The following OXR1 variants were observed in gnomAD, a reference collection of about 807,000 sequenced individuals.
OXR1 encodes oxidation resistance 1.
Under a neutral mutation model 104.6 loss-of-function variants are expected in OXR1, and 41 were observed. That is an observed-to-expected ratio of 0.39 (90% CI 0.31 to 0.51). The LOEUF (loss-of-function observed/expected upper bound fraction) is 0.51. OXR1 is among the 20% of genes least tolerant of loss of function. OXR1 has a pLI of 0.77. For synonymous variants in OXR1, 348 were observed against 348.4 expected, an observed-to-expected ratio of 1.00 and a Z score of 0.01; for missense variants, 955 against 1,031.9, an observed-to-expected ratio of 0.93 and a Z score of 1.02.
At chr8:106,512,667 AC>A (rs973001938) in intron 2 of OXR1, among the ~76,000 whole-genome samples, 31 of 152,156 alleles carry the variant, frequency 2.0e-4, no homozygotes, top group African/African-American at 7.2e-4. Context: ...AGATTACAAA[AC>A]TATTAAGAGA....
chr8:106,302,924 T>C (rs1165706349), intron 1 of OXR1, among the ~76,000 whole-genome samples: 1 of 151,730 alleles, frequency 6.6e-6, no homozygotes, highest in Non-Finnish European at 1.5e-5. Flanking sequence ...GCTAATTTTT[T>C]TTGTATTTTT....
intron 10 of OXR1, among the ~76,000 whole-genome samples, chr8:106,712,834 A>G (rs1321656667): frequency 6.6e-6 from 1 of 152,052 alleles, no homozygotes; most frequent in Non-Finnish European, 1.5e-5. Flanking sequence ...AAATGTAACT[A>G]TATTTAGTTA....
chr8:106,444,289 C>T (rs1297007540), intron 2 of OXR1, among the ~76,000 whole-genome samples: 1 of 152,148 alleles, frequency 6.6e-6, no homozygotes, highest in East Asian at 1.9e-4. Context: ...GGCAATTCCT[C>T]AAGGATCTAG....
chr8:106,657,411 T>C (rs1208089957), intron 3 of OXR1: 1 of 152,232 alleles, frequency 6.6e-6, no homozygotes, highest in Non-Finnish European at 1.5e-5. Flanking sequence ...CTTCAAACTT[T>C]TTGACAGTTA....
chr8:106,331,997 A>AGT (rs3073756), intron 1 of OXR1, among the ~76,000 whole-genome samples: 25,800 of 137,908 alleles, frequency 0.19, 2,248 homozygotes, highest in East Asian at 0.33. Context: ...GAAAGAACAT[A>AGT]GTGTGTGTGT....
chr8:106,343,505 C>G (rs1411820434), intron 1 of OXR1, among the ~76,000 whole-genome samples: 1 of 152,218 alleles, frequency 6.6e-6, no homozygotes, highest in African/African-American at 2.4e-5. Context: ...GTGGCTGCCA[C>G]TGCAGCTGTA....
At position 106,424,398 on chromosome 8, in the gene OXR1, C is replaced by G. The variant is rs190981742; in HGVS notation, c.23+64762C>G. Among the ~76,000 whole-genome samples, 102 of 152,150 alleles carry G rather than the reference C, an allele frequency of 6.7e-4. 1 individual carries two copies. In the South Asian group the frequency reaches 0.013, roughly 19 times the overall value. ...GGGTTCAGATTATCATCTACTTTTT[C>G]CTACTAAAATATATAGTATGGTAAT... On this transcript the variant is annotated intron_variant, in intron 2 of 16. Coordinates refer to ENST00000517566, the MANE Select transcript of OXR1 (RefSeq NM_001198533.2).
intron 3 of OXR1, among the ~76,000 whole-genome samples, chr8:106,625,364 A>G (rs1348180960): frequency 6.6e-6 from 1 of 152,138 alleles, no homozygotes. Flanking sequence ...GAAAGTCAAA[A>G]CTGCCTTTTA....
chr8:106,413,523 A>G (rs912861254), intron 2 of OXR1, among the ~76,000 whole-genome samples: 1 of 152,160 alleles, frequency 6.6e-6, no homozygotes, highest in Non-Finnish European at 1.5e-5. Context: ...TAAGTAAGAC[A>G]CATTTTCAGT....
chr8:106,694,972 A>G (rs1350330184), intron 7 of OXR1, among the ~76,000 whole-genome samples: 6 of 142,416 alleles, frequency 4.2e-5, no homozygotes, highest in Non-Finnish European at 9.1e-5. Context: ...TTACATGTAT[A>G]TTATAATATA....
rs117101301 is a variant in OXR1, at chr8:106,603,467, T to A, written c.221-75743T>A. Among the ~76,000 whole-genome samples the A allele has an allele frequency of 4.0e-3, 608 of 152,336 alleles. 2 individuals carry two copies. Among genetic ancestry groups the A allele is most frequent in the Non-Finnish European group, 7.4e-3 (502 of 68,034 alleles). On this transcript the variant is annotated intron_variant, in intron 3 of 16. Coordinates refer to ENST00000517566, the MANE Select transcript of OXR1 (RefSeq NM_001198533.2). Reference sequence around the variant, plus strand: ...TGGTATATGGTAGATAATACTACCATCTTTTTCAGCTAAAACTGTCAAGTA... The same window carrying A: ...TGGTATATGGTAGATAATACTACCAACTTTTTCAGCTAAAACTGTCAAGTA...
intron 2 of OXR1, among the ~76,000 whole-genome samples, chr8:106,390,038 C>T (rs549463008): frequency 1.6e-4 from 25 of 152,164 alleles, no homozygotes; most frequent in Non-Finnish European, 3.2e-4. Context: ...TGCACTCCAG[C>T]CAGGGTGACA....
intron 3 of OXR1, among the ~76,000 whole-genome samples, chr8:106,564,107 A>C (rs763968726): frequency 1.1e-4 from 17 of 152,170 alleles, no homozygotes; most frequent in Non-Finnish European, 2.2e-4. Context: ...CAAATTCAAA[A>C]GCTAGCAGAA....
intron 1 of OXR1, among the ~76,000 whole-genome samples, chr8:106,339,302 T>C (rs1340822900): frequency 6.6e-6 from 1 of 151,108 alleles, no homozygotes; most frequent in Non-Finnish European, 1.5e-5. Context: ...GAGACCATCC[T>C]GGCTAACACG....
At chr8:106,657,431 C>G (rs1563674056) in intron 3 of OXR1, 1 of 152,434 alleles carries the variant, frequency 6.6e-6, no homozygotes, top group South Asian at 2.1e-4. Flanking sequence ...ATTTTCAGAC[C>G]CCTCCTAGGC....
intron 11 of OXR1, among the ~76,000 whole-genome samples, chr8:106,715,955 T>C (rs1832205874): frequency 6.6e-6 from 1 of 152,234 alleles, no homozygotes; most frequent in Non-Finnish European, 1.5e-5. Context: ...ATTACCGCAG[T>C]ATCCAGTATA....
At chr8:106,610,118 A>G (rs1320035930) in intron 3 of OXR1, among the ~76,000 whole-genome samples, 1 of 125,300 alleles carries the variant, frequency 8.0e-6, no homozygotes, top group East Asian at 2.5e-4. Context: ...TTTTTTTTTT[A>G]TAATTTACCC....
chr8:106,643,448 T>A (rs1006240719), intron 3 of OXR1, among the ~76,000 whole-genome samples: 4 of 144,522 alleles, frequency 2.8e-5, no homozygotes, highest in South Asian at 2.2e-4. Context: ...TTTTTTTTTT[T>A]AATTTACAGC....
At chr8:106,675,574 G>A (rs1827500320) in intron 3 of OXR1, among the ~76,000 whole-genome samples, 1 of 152,126 alleles carries the variant, frequency 6.6e-6, no homozygotes, top group African/African-American at 2.4e-5. Context: ...TCATTCAGGA[G>A]CAGATTATTC....
Sources: allele counts gnomAD v4.1 joint callset (sites outside exome capture counted in the v4.1 genomes callset), GRCh38; gene constraint gnomAD v4.1.1; transcripts MANE v1.5; gene names NCBI Gene and HGNC (gene_info 2026-07-23, HGNC 2026-07-21).